The following NCOA2 variants were observed in gnomAD, a reference collection of about 807,000 sequenced individuals.
NCOA2 encodes the protein nuclear receptor coactivator 2.
Under a neutral mutation model 145.1 loss-of-function variants are expected in NCOA2, and 21 were observed. The observed-to-expected ratio is 0.14, with a 90% CI of 0.10 to 0.21. The LOEUF is 0.21. Among genes scored for constraint, NCOA2 ranks in the 10% least tolerant of loss-of-function variants. The probability of loss-of-function intolerance (pLI) is 1.00; values close to 1 mark genes in which losing one functional copy is unlikely to be tolerated. For synonymous variants in NCOA2, 619 were observed against 637.5 expected, an observed-to-expected ratio of 0.97 and a Z score of 0.44; for missense variants, 1,472 against 1,837.6, an observed-to-expected ratio of 0.80 and a Z score of 3.64.
chr8:70,144,572 T>C, intron 13 of NCOA2, 70 bp downstream of exon 13: 1 of 1,262,556 alleles, frequency 7.9e-7, no homozygotes, highest in East Asian at 2.4e-5. Context: ...TTCTACTAGT[T>C]TGATGTGGAT....
intron 4 of NCOA2, among the ~76,000 whole-genome samples, chr8:70,205,098 GA>G (rs1818299847): frequency 6.6e-6 from 1 of 152,136 alleles, no homozygotes; most frequent in African/African-American, 2.4e-5. Flanking sequence ...AAGAGAAAGT[GA>G]AGTACCTAAA....
Position 70,122,734 on chromosome 8 carries a change from C to A in NCOA2, c.4293+1150G>T, listed in dbSNP as rs147876968. 4.6e-3 allele frequency among the ~76,000 whole-genome samples: 696 copies of A among 152,288 alleles called. 3 individuals are homozygous for A. Among genetic ancestry groups the A allele is most frequent in the South Asian group, 0.014 (66 of 4,830 alleles). On this transcript the variant is annotated intron_variant, in intron 21 of 22. Transcript: ENST00000452400. ...TTTATTAATCGTTTTAAATAAAACA[C>A]GGAAGCTCTGTAATAGTTCTTAAAA... is the stretch of plus-strand genomic sequence containing the variant.
chr8:70,434,210 G>T, the NCOA2 span, among the ~76,000 whole-genome samples: 1 of 152,304 alleles, frequency 6.6e-6, no homozygotes, highest in Non-Finnish European at 1.5e-5. Context: ...CCTCAGGATT[G>T]TCTTCGGTCA....
At chr8:70,298,885 C>T (rs1368804484) in intron 1 of NCOA2, among the ~76,000 whole-genome samples, 1 of 152,050 alleles carries the variant, frequency 6.6e-6, no homozygotes, top group African/African-American at 2.4e-5. Context: ...CACGGTGAAA[C>T]CCCGTCTCTA....
At chr8:70,442,194 A>T in the NCOA2 span, among the ~76,000 whole-genome samples, 126 of 150,886 alleles carry the variant, frequency 8.4e-4, no homozygotes, top group African/African-American at 2.9e-3. Flanking sequence ...CTTTAGGCCG[A>T]TGAGAGAAGC....
At chr8:70,430,577 C>T in the NCOA2 span, among the ~76,000 whole-genome samples, 1 of 152,198 alleles carries the variant, frequency 6.6e-6, no homozygotes, top group African/African-American at 2.4e-5. Flanking sequence ...GCCCTCTACC[C>T]CCTTTCTTTG....
At chr8:70,357,845 G>T (rs1357946087) in intron 1 of NCOA2, among the ~76,000 whole-genome samples, 1 of 152,058 alleles carries the variant, frequency 6.6e-6, no homozygotes, top group Non-Finnish European at 1.5e-5. Context: ...GAAGTCAGGA[G>T]TTCAATACCA....
chr8:70,199,654 A>G (rs1817687218), intron 4 of NCOA2, among the ~76,000 whole-genome samples: 1 of 152,092 alleles, frequency 6.6e-6, no homozygotes, highest in African/African-American at 2.4e-5. Flanking sequence ...ATTTTGTAAG[A>G]AATTTGGCAA....
At chr8:70,447,686 T>C in the NCOA2 span, among the ~76,000 whole-genome samples, 4 of 145,024 alleles carry the variant, frequency 2.8e-5, no homozygotes, top group Admixed American at 1.3e-4. Context: ...TGTTTTCTTT[T>C]TTTTTTTTTT....
At chr8:70,330,801 T>G (rs972572890) in intron 1 of NCOA2, among the ~76,000 whole-genome samples, 1 of 152,214 alleles carries the variant, frequency 6.6e-6, no homozygotes, top group African/African-American at 2.4e-5. Flanking sequence ...TTAAAAAGTA[T>G]GGCTGTGTGC....
chr8:70,431,960 G>A, the NCOA2 span, among the ~76,000 whole-genome samples: 1 of 152,154 alleles, frequency 6.6e-6, no homozygotes. Context: ...TCTGTATTTA[G>A]CACCAGACTA....
chr8:70,170,399 T>C lies in NCOA2; in HGVS notation c.364-20A>G, dbSNP rs1814113758. On this transcript the variant is annotated intron_variant, in intron 5 of 22. Transcript: ENST00000452400. ...AAGGGCCTAGGGAACAAAGTACAAA[T>C]TGTGTTAGAAAGGATGCAACATAAC... 1.9e-6 allele frequency: 3 copies of C among 1,549,122 alleles called. No individual in the cohort carries two copies. The highest frequency in any genetic ancestry group is 1.4e-5 in the African/African-American group (1 of 72,794).
intron 9 of NCOA2, among the ~76,000 whole-genome samples, chr8:70,160,659 C>CGGAGAGAGAGAGAGAG (rs1554578911): frequency 7.6e-6 from 1 of 132,180 alleles, no homozygotes; most frequent in African/African-American, 3.0e-5. Flanking sequence ...AAGTGAGAGA[C>CGGAGAGAGAGAGAGAG]AGAGAGAGAG....
chr8:70,443,010 T>C, the NCOA2 span, among the ~76,000 whole-genome samples: 1 of 152,166 alleles, frequency 6.6e-6, no homozygotes, highest in Non-Finnish European at 1.5e-5. Flanking sequence ...AGTCTTTTTC[T>C]AACAAAAACA....
chr8:70,364,085 T>C (rs1295688521), intron 1 of NCOA2, among the ~76,000 whole-genome samples: 2 of 151,416 alleles, frequency 1.3e-5, no homozygotes, highest in Non-Finnish European at 2.9e-5. Flanking sequence ...TGCTGCGTTA[T>C]GGGACACAGT....
chr8:70,183,511 G>A (rs1432849926), intron 4 of NCOA2, among the ~76,000 whole-genome samples: 1 of 152,154 alleles, frequency 6.6e-6, no homozygotes, highest in Non-Finnish European at 1.5e-5. Flanking sequence ...TCACAATTCT[G>A]TTTATTAGCG....
At chr8:70,412,410 T>A in the NCOA2 span, among the ~76,000 whole-genome samples, 1 of 148,718 alleles carries the variant, frequency 6.7e-6, no homozygotes, top group Non-Finnish European at 1.5e-5. Flanking sequence ...TATATATATA[T>A]AAAATATATA....
rs911105173 is a variant in NCOA2, at chr8:70,110,236, T to G, written c.*3396A>C. The G allele has an allele frequency of 1.5e-5, 3 of 200,864 alleles. No individual in the cohort carries two copies. The highest frequency in any genetic ancestry group is 2.3e-5 in the African/African-American group (1 of 43,602). 12.4% of individuals were successfully genotyped at this position (200,864 alleles called of 1,614,324 possible). ...ATCACTATTCAAACAACATAAAGGT[T>G]AAGTGATGATGCACTTATTCAAAAA... On this transcript the variant is annotated 3_prime_UTR_variant, in exon 23 of 23. Coordinates refer to ENST00000452400, the MANE Select transcript of NCOA2 (RefSeq NM_006540.4).
Position 70,364,706 on chromosome 8 carries a change from C to G in NCOA2, c.-77+38994G>C, listed in dbSNP as rs1810517111. ...AAACCAAATGCATCTGACACAGTCT[C>G]TCTTGACCACTACATTATTCCATCT... On this transcript the variant is annotated intron_variant, in intron 1 of 22. Transcript: ENST00000452400. Among the ~76,000 whole-genome samples the G allele has an allele frequency of 2.0e-5, 3 of 150,090 alleles. No homozygotes were observed. The South Asian group carries it at 6.3e-4, about 31-fold the overall frequency.
Sources: gnomAD v4.1 joint callset for allele counts (sites outside exome capture counted in the v4.1 genomes callset) on GRCh38, gnomAD v4.1.1 for gene constraint, MANE v1.5 for transcripts, NCBI Gene and HGNC (gene_info 2026-07-23, HGNC 2026-07-21) for gene names.